DNAH9: variants seen among roughly 807,000 people sequenced by gnomAD.
DNAH9 encodes dynein axonemal heavy chain 9.
In DNAH9, 345 loss-of-function variants were observed where a neutral mutation model predicts 471.6. The ratio of observed to expected loss-of-function variants is 0.73; its 90% CI spans 0.67 to 0.80. DNAH9 has a LOEUF of 0.80. Among genes scored for constraint, DNAH9 ranks in the 30% least tolerant of loss-of-function variants. The pLI, the probability that DNAH9 is intolerant of heterozygous loss-of-function variation, is 0.00. For synonymous variants in DNAH9, 2,093 were observed against 2,123.6 expected, an observed-to-expected ratio of 0.99 and a Z score of 0.40; for missense variants, 5,407 against 5,609.2, an observed-to-expected ratio of 0.96 and a Z score of 1.15.
chr17:11,964,310 A>G (rs1018979572), intron 68 of DNAH9, among the ~76,000 whole-genome samples: 3 of 152,148 alleles, frequency 2.0e-5, no homozygotes, highest in Admixed American at 1.3e-4. Flanking sequence ...CCTCCAAACC[A>G]CCAAAATGAG....
chr17:11,632,749 C>A, intron 8 of DNAH9, 46 bp downstream of exon 8: 1 of 892,500 alleles, frequency 1.1e-6, no homozygotes, highest in Non-Finnish European at 1.9e-6. Context: ...GATACTCCCC[C>A]GGCCCTCATC....
At chr17:11,734,890 T>C (rs561011243) in intron 28 of DNAH9, among the ~76,000 whole-genome samples, 2 of 152,294 alleles carry the variant, frequency 1.3e-5, no homozygotes, top group African/African-American at 4.8e-5. Flanking sequence ...AATGGGGCCA[T>C]GTGGGCAGAG....
intron 32 of DNAH9, among the ~76,000 whole-genome samples, chr17:11,751,729 T>C (rs1019992508): frequency 9.2e-5 from 14 of 151,702 alleles, no homozygotes; most frequent in Non-Finnish European, 4.4e-5. Context: ...CTAGAAAATG[T>C]AATAGGACAA....
rs1178757042 is a variant in DNAH9 at position 11,815,199 on chromosome 17, G to T, written c.8707+4830G>T. On this transcript the variant is annotated intron_variant, in intron 45 of 68. Coordinates refer to ENST00000262442, the MANE Select transcript of DNAH9 (RefSeq NM_001372.4). Reference sequence around the variant, plus strand: ...TCTTTTCCTTTTGTGGTAATAAACTGTTTTTTTTTTTCTTGTGGAACTGAA... The same window carrying T: ...TCTTTTCCTTTTGTGGTAATAAACTTTTTTTTTTTTTCTTGTGGAACTGAA... Among the ~76,000 whole-genome samples, 116 of 148,362 alleles carry T rather than the reference G, an allele frequency of 7.8e-4. 1 individual carries two copies. In the South Asian group the frequency reaches 0.011, roughly 14 times the overall value.
At chr17:11,848,480 G>T (rs933425235) in intron 49 of DNAH9, among the ~76,000 whole-genome samples, 2 of 150,164 alleles carry the variant, frequency 1.3e-5, no homozygotes, top group African/African-American at 4.9e-5. Context: ...CTGATGATTG[G>T]GATTGAAATT....
intron 1 of DNAH9, among the ~76,000 whole-genome samples, chr17:11,605,674 A>ATTTTTTTTTTTTTTTTTTTTT (rs59748847): frequency 1.2e-4 from 17 of 145,000 alleles, no homozygotes; most frequent in African/African-American, 4.4e-4. Flanking sequence ...CAATTTTTCT[A>ATTTTTTTTTTTTTTTTTTTTT]TTTTTTTTTT....
chr17:11,819,165 AT>A (rs1970217572), intron 45 of DNAH9, among the ~76,000 whole-genome samples: 1 of 152,104 alleles, frequency 6.6e-6, no homozygotes, highest in Non-Finnish European at 1.5e-5. Flanking sequence ...CCCAGACAAA[AT>A]TCTCAAAAGA....
Position 11,911,234 on chromosome 17 carries a change from C to T in DNAH9, c.11749+5425C>T, listed in dbSNP as rs543785497. On this transcript the variant is annotated intron_variant, in intron 61 of 68. Coordinates refer to ENST00000262442, the MANE Select transcript of DNAH9 (RefSeq NM_001372.4). ...TTCTGTATGTAAGGAAAGGGTCCAA[C>T]TTTGTCCCTTGACACGTAGATATCC... 2.0e-5 allele frequency among the ~76,000 whole-genome samples: 3 copies of T among 152,312 alleles called. No individual in the cohort carries two copies. In the South Asian group the frequency reaches 6.2e-4, roughly 32 times the overall value.
intron 31 of DNAH9, among the ~76,000 whole-genome samples, chr17:11,745,632 CAA>C (rs1318393053): frequency 6.6e-6 from 1 of 152,046 alleles, no homozygotes; most frequent in Non-Finnish European, 1.5e-5. Context: ...GTGAAAATAA[CAA>C]AGAGAATATT....
At chr17:11,882,530 C>A (rs1052455716) in intron 55 of DNAH9, among the ~76,000 whole-genome samples, 1 of 152,082 alleles carries the variant, frequency 6.6e-6, no homozygotes, top group African/African-American at 2.4e-5. Flanking sequence ...TGCAATCATT[C>A]ATTCATTGAA....
chr17:11,635,894 T>A (rs2073155101), intron 8 of DNAH9, among the ~76,000 whole-genome samples: 1 of 152,168 alleles, frequency 6.6e-6, no homozygotes, highest in Admixed American at 6.5e-5. Context: ...ATTCTCAAAT[T>A]TTTGCCCTTC....
intron 42 of DNAH9, among the ~76,000 whole-genome samples, chr17:11,793,893 C>T (rs1969148826): frequency 1.3e-5 from 2 of 152,090 alleles, no homozygotes; most frequent in Non-Finnish European, 2.9e-5. Context: ...TCATCTGATC[C>T]AAGTCCCCAC....
intron 21 of DNAH9, 119 bp from the exon 22 acceptor site, chr17:11,694,202 G>A (rs907730049): frequency 1.1e-5 from 14 of 1,293,664 alleles, no homozygotes; most frequent in East Asian, 2.3e-5. Context: ...ATATCTCTAA[G>A]TGTTTCTTGT....
intron 62 of DNAH9, 86 bp from the exon 63 acceptor site, chr17:11,929,780 C>T (rs1039426495): frequency 1.1e-5 from 13 of 1,141,828 alleles, no homozygotes; most frequent in Admixed American, 2.5e-5. Context: ...CCAGTCCCCC[C>T]TCTGGCTGCC....
At chr17:11,760,527 A>AT (rs1339696019) in intron 35 of DNAH9, among the ~76,000 whole-genome samples, 2,352 of 148,392 alleles carry the variant, frequency 0.016, 58 homozygotes, top group African/African-American at 0.054. Flanking sequence ...TTTTATTTTT[A>AT]TTTTTTTTTT....
chr17:11,632,733 G>A, intron 8 of DNAH9, 30 bp downstream of exon 8: 1 of 1,066,244 alleles, frequency 9.4e-7, no homozygotes, highest in Non-Finnish European at 1.5e-6. Context: ...GAGCCACTCG[G>A]TCCTGGATAC....
chr17:11,864,195 G>A (rs1311659149), intron 50 of DNAH9, among the ~76,000 whole-genome samples: 1 of 144,428 alleles, frequency 6.9e-6, no homozygotes, highest in African/African-American at 2.6e-5. Context: ...TGCTTTGAAT[G>A]TGTCCCAGAG....
intron 53 of DNAH9, among the ~76,000 whole-genome samples, chr17:11,877,797 C>A (rs1972562129): frequency 6.6e-6 from 1 of 152,140 alleles, no homozygotes; most frequent in South Asian, 2.1e-4. Flanking sequence ...TATAGTGGCG[C>A]TATCTCGGCT....
intron 49 of DNAH9, among the ~76,000 whole-genome samples, chr17:11,837,243 A>G (rs1416278762): frequency 1.3e-5 from 2 of 152,242 alleles, no homozygotes; most frequent in Non-Finnish European, 2.9e-5. Flanking sequence ...GATACTGAAA[A>G]TCACACTGGA....
Sources: gnomAD v4.1 joint callset for allele counts (sites outside exome capture counted in the v4.1 genomes callset) on GRCh38, gnomAD v4.1.1 for gene constraint, MANE v1.5 for transcripts, NCBI Gene and HGNC (gene_info 2026-07-23, HGNC 2026-07-21) for gene names.